PTCHD1: variants seen among roughly 807,000 people sequenced by gnomAD.
PTCHD1 encodes patched domain-containing protein 1.
A neutral mutation model predicts 34.6 loss-of-function variants in PTCHD1; 3 were observed. The observed-to-expected ratio is 0.09, with a 90% CI of 0.04 to 0.22. PTCHD1 has a LOEUF of 0.22. Among genes scored for constraint, PTCHD1 ranks in the 10% least tolerant of loss-of-function variants. PTCHD1 has a pLI of 1.00. For missense variants in PTCHD1, 504 were observed against 685.5 expected (o/e 0.74, Z 2.96); for synonymous variants, 305 against 283.1 (o/e 1.08, Z -0.77).
intron 2 of PTCHD1, among the ~76,000 whole-genome samples, chrX:23,381,020 TCA>T (rs1390672950): frequency 8.9e-6 from 1 of 112,093 alleles, no homozygotes; most frequent in African/African-American, 3.2e-5. Flanking sequence ...CCTGCTACTC[TCA>T]GTTTCCCCAC....
intron 1 of PTCHD1, among the ~76,000 whole-genome samples, chrX:23,374,476 G>A (rs1034295117): frequency 1.8e-5 from 2 of 110,557 alleles, no homozygotes; most frequent in African/African-American, 6.6e-5. Context: ...AGGAGAGGCA[G>A]AGAGGAAATT....
chrX:23,369,859 T>C (rs185956510), intron 1 of PTCHD1, among the ~76,000 whole-genome samples: 152 of 112,045 alleles, frequency 1.4e-3, no homozygotes, highest in African/African-American at 4.9e-3. Context: ...CCTTCAAATA[T>C]TTGTACTGAT....
intron 1 of PTCHD1, among the ~76,000 whole-genome samples, chrX:23,344,692 C>A (rs1171043609): frequency 1.8e-5 from 2 of 111,595 alleles, no homozygotes; most frequent in Non-Finnish European, 3.8e-5. Context: ...TCCAGCACAC[C>A]AACGTGGTTC....
intron 1 of PTCHD1, among the ~76,000 whole-genome samples, chrX:23,355,029 T>C (rs1422723771): frequency 4.9e-5 from 3 of 61,580 alleles, no homozygotes; most frequent in Non-Finnish European, 6.2e-5. Context: ...TAAGGCTTTT[T>C]TGGGGGGAGG....
chrX:23,376,852 C>T (rs1012046708), intron 1 of PTCHD1, among the ~76,000 whole-genome samples: 16 of 112,344 alleles, frequency 1.4e-4, no homozygotes, highest in South Asian at 1.1e-3. Flanking sequence ...ACCACTCTGT[C>T]GGAAAGTCAA....
chrX:23,362,112 C>G (rs772866586), intron 1 of PTCHD1, among the ~76,000 whole-genome samples: 1 of 112,163 alleles, frequency 8.9e-6, no homozygotes, highest in Admixed American at 9.4e-5. Flanking sequence ...CTTGGAGAAT[C>G]TGACAATTAT....
Position 23,367,889 on chromosome X carries a change from A to C in PTCHD1, c.352-11702A>C, listed in dbSNP as rs184440078. On this transcript the variant is annotated intron_variant, in intron 1 of 2. Transcript: ENST00000379361. ...CATCAGTGCTTGCATCGTCTGAGAC[A>C]TCCAGAGATAGGAAGGGTATACAAC... is the stretch of plus-strand genomic sequence containing the variant. Among the ~76,000 whole-genome samples, 44 of 111,696 alleles carry C rather than the reference A, an allele frequency of 3.9e-4. No homozygotes were observed. The East Asian group carries it at 0.01, about 26-fold the overall frequency.
intron 1 of PTCHD1, among the ~76,000 whole-genome samples, chrX:23,341,889 TTTTGAAAGATCCCC>T (rs1921319775): frequency 8.9e-6 from 1 of 111,968 alleles, no homozygotes. Flanking sequence ...GTTTCTGCTA[TTTTGAAAGATCCCC>T]ATTGTTAGGT....
chrX:23,380,787 G>T (rs1248337898), intron 2 of PTCHD1, among the ~76,000 whole-genome samples: 2 of 111,224 alleles, frequency 1.8e-5, no homozygotes, highest in African/African-American at 6.5e-5. Flanking sequence ...CCTCAGAGAG[G>T]TCCTCCCCCG....
chrX:23,358,242 C>A (rs752467614), intron 1 of PTCHD1, among the ~76,000 whole-genome samples: 2 of 112,210 alleles, frequency 1.8e-5, no homozygotes, highest in South Asian at 7.4e-4. Context: ...ACACTGACTT[C>A]CACAATGATT....
chrX:23,366,238 T>A (rs772659869), intron 1 of PTCHD1, among the ~76,000 whole-genome samples: 3 of 112,054 alleles, frequency 2.7e-5, no homozygotes, highest in Non-Finnish European at 3.8e-5. Flanking sequence ...CTGGTTACAC[T>A]CTTCATCCTT....
intron 1 of PTCHD1, among the ~76,000 whole-genome samples, chrX:23,375,046 G>A (rs1474527926): frequency 1.8e-5 from 2 of 111,863 alleles, no homozygotes; most frequent in African/African-American, 6.5e-5. Flanking sequence ...GCCTGTCTTT[G>A]AAAAGCTTTA....
intron 1 of PTCHD1, among the ~76,000 whole-genome samples, chrX:23,349,707 C>G (rs1461333865): frequency 4.5e-5 from 5 of 111,519 alleles, no homozygotes; most frequent in African/African-American, 1.6e-4. Context: ...ATAGACAAAT[C>G]CACTATTATA....
chrX:23,358,782 T>C (rs1026910597), intron 1 of PTCHD1, among the ~76,000 whole-genome samples: 3 of 109,237 alleles, frequency 2.7e-5, no homozygotes, highest in Non-Finnish European at 5.7e-5. Flanking sequence ...TGGTTTTAGG[T>C]CTAACATTTA....
At chrX:23,365,608 ACACT>A (rs1222985153) in intron 1 of PTCHD1, among the ~76,000 whole-genome samples, 6 of 111,727 alleles carry the variant, frequency 5.4e-5, no homozygotes, top group Non-Finnish European at 1.1e-4. Context: ...AGCTTACAAC[ACACT>A]CACCCCAAAG....
At chrX:23,383,857 T>C (rs546080837) in intron 2 of PTCHD1, among the ~76,000 whole-genome samples, 8 of 112,566 alleles carry the variant, frequency 7.1e-5, no homozygotes, top group African/African-American at 1.9e-4. Context: ...TTTCCAAATA[T>C]ATTGATATCA....
chrX:23,354,141 G>A (rs1338033768), intron 1 of PTCHD1, among the ~76,000 whole-genome samples: 2 of 111,269 alleles, frequency 1.8e-5, no homozygotes, highest in Admixed American at 1.9e-4. Flanking sequence ...TTCAGGCCGA[G>A]GAAGCGGGAA....
At chrX:23,365,088 C>A (rs779753766) in intron 1 of PTCHD1, among the ~76,000 whole-genome samples, 1 of 111,330 alleles carries the variant, frequency 9.0e-6, no homozygotes, top group Non-Finnish European at 1.9e-5. Context: ...GGACTGTGTC[C>A]CAAATGAGGG....
At chrX:23,368,581 A>G (rs1354751580) in intron 1 of PTCHD1, among the ~76,000 whole-genome samples, 1 of 111,873 alleles carries the variant, frequency 8.9e-6, no homozygotes, top group African/African-American at 3.3e-5. Context: ...GTCGTGAAGC[A>G]TATATATTCT....
Sources: allele counts gnomAD v4.1 joint callset (sites outside exome capture counted in the v4.1 genomes callset), GRCh38; gene constraint gnomAD v4.1.1; transcripts MANE v1.5; gene names NCBI Gene and HGNC (gene_info 2026-07-23, HGNC 2026-07-21).